Variants in MAX observed in about 807,000 individuals in gnomAD.
MAX encodes the protein MYC associated transcriptional regulator X, also known as protein max.
MAX carries 3 observed loss-of-function variants against 22.3 expected under a neutral mutation model. The ratio of observed to expected loss-of-function variants is 0.13; its 90% confidence interval spans 0.06 to 0.35. The LOEUF (loss-of-function observed/expected upper bound fraction) is 0.35, where lower values mean the gene tolerates loss of function less well. Ranked by LOEUF, MAX falls within the 10% of genes least tolerant of loss-of-function variation. The pLI is 1.00. For synonymous variants in MAX, 72 were observed against 77.7 expected, an observed-to-expected ratio of 0.93 and a Z score of 0.39; for missense variants, 119 against 209.4, an observed-to-expected ratio of 0.57 and a Z score of 2.66.
Position 65,023,601 on chromosome 14 carries a change from T to A in MAX, c.172-17317A>T, listed in dbSNP as rs2061926278. 6.6e-6 allele frequency among the ~76,000 whole-genome samples: 1 copy of A among 152,168 alleles called. No individual in the cohort carries two copies. The highest frequency in any genetic ancestry group is 6.5e-5 in the Admixed American group (1 of 15,272). ...ATAAACATCTATACGTGTTCTATAT[T>A]GGCCACTAGCCACAGTTAGTTGTGG... On this transcript the variant is annotated intron_variant, in intron 3 of 3. Coordinates refer to the MAX transcript ENST00000341653. This position sits in a 1 kb window ranked among gnomAD's most constrained non-coding sequence, Gnocchi z 4.1.
intron 3 of MAX, among the ~76,000 whole-genome samples, chr14:65,045,468 T>G: frequency 8.1e-6 from 1 of 123,274 alleles, no homozygotes; most frequent in Non-Finnish European, 1.6e-5. Flanking sequence ...CAGGCTGGAG[T>G]GCAGTGGCAC....
rs764555353 is a variant in MAX, at chr14:65,044,360, G to A, written c.172-38076C>T. On this transcript the variant is annotated intron_variant, in intron 3 of 3. Transcript: ENST00000341653. This position sits in a 1 kb window ranked among gnomAD's most constrained non-coding sequence, Gnocchi z 5.5. Reference sequence around the variant, plus strand: ...CGATTTGAAGGAGGATTTCAGGGCCGCTGCAACAAGCTGGTGGATGGCTGC... The same window carrying A: ...CGATTTGAAGGAGGATTTCAGGGCCACTGCAACAAGCTGGTGGATGGCTGC... The A allele has an allele frequency of 3.7e-6, 6 of 1,613,396 alleles. No homozygotes were observed. Among genetic ancestry groups the A allele is most frequent in the Non-Finnish European group, 4.2e-6 (5 of 1,179,736 alleles).
chr14:65,079,311 G>A lies in MAX; in HGVS notation c.172-1275C>T, dbSNP rs763516124. The stretch of plus-strand genomic sequence containing the variant: ...CTTGATGTCAACACAGGAAGAGCAT[G>A]AGATTGGGCCATTTCAGGAAACAAC... On this transcript the variant is annotated intron_variant, in intron 3 of 4. Coordinates refer to ENST00000358664, the MANE Select transcript of MAX (RefSeq NM_002382.5). The surrounding 1 kb of genome is among the most constrained non-coding windows in gnomAD (Gnocchi z 4.5). 1.3e-5 allele frequency among the ~76,000 whole-genome samples: 2 copies of A among 152,208 alleles called. No individual in the cohort carries two copies. Among genetic ancestry groups the A allele is most frequent in the Non-Finnish European group, 2.9e-5 (2 of 68,038 alleles).
chr14:65,098,516 G>C (rs1489633255), intron 2 of MAX, among the ~76,000 whole-genome samples: 1 of 152,032 alleles, frequency 6.6e-6, no homozygotes, highest in Admixed American at 6.5e-5. Flanking sequence ...TGCATTTCCT[G>C]ACCAACACAC....
chr14:65,056,639 C>T (rs1334064994), intron 3 of MAX, among the ~76,000 whole-genome samples: 8 of 152,122 alleles, frequency 5.3e-5, no homozygotes. Context: ...GAATTGTCTG[C>T]CAGTTCATAT....
At chr14:65,055,880 A>C (rs1490396940) in intron 3 of MAX, among the ~76,000 whole-genome samples, 1 of 152,204 alleles carries the variant, frequency 6.6e-6, no homozygotes, top group Non-Finnish European at 1.5e-5. Flanking sequence ...GCCAATAGAT[A>C]GTTGAAAAGA....
rs571442256 is a variant in MAX at position 65,085,176 on chromosome 14, T to A, written c.172-7140A>T. The stretch of plus-strand genomic sequence containing the variant: ...ACTTACTTTTGAATATTAGGCTAAA[T>A]AAATTATATTATTCAAATTTTCACC... On this transcript the variant is annotated intron_variant, in intron 3 of 4. Coordinates refer to ENST00000358664, the MANE Select transcript of MAX (RefSeq NM_002382.5). 7.0e-4 allele frequency among the ~76,000 whole-genome samples: 106 copies of A among 152,348 alleles called. 1 individual carries two copies. The highest frequency in any genetic ancestry group is 2.5e-3 in the African/African-American group (104 of 41,566).
intron 3 of MAX, among the ~76,000 whole-genome samples, chr14:65,059,982 C>T (rs981465843): frequency 4.0e-5 from 6 of 151,634 alleles, no homozygotes; most frequent in Non-Finnish European, 8.8e-5. Flanking sequence ...TACAGACACT[C>T]ACCATCATGC....
chr14:65,090,873 A>C (rs923960254), intron 3 of MAX, among the ~76,000 whole-genome samples: 1 of 152,230 alleles, frequency 6.6e-6, no homozygotes, highest in Non-Finnish European at 1.5e-5. Flanking sequence ...TTTGGGTCCC[A>C]CATTTAAAGC....
chr14:65,015,650 T>C, intron 3 of MAX: 1 of 1,614,134 alleles, frequency 6.2e-7, no homozygotes, highest in Non-Finnish European at 8.5e-7. Flanking sequence ...CGCCCATGGC[T>C]CTGCTATTGG....
At chr14:65,092,480 G>T (rs2063536586) in intron 3 of MAX, among the ~76,000 whole-genome samples, 2 of 152,226 alleles carry the variant, frequency 1.3e-5, no homozygotes, top group South Asian at 4.1e-4. Flanking sequence ...GGGTGAGTCT[G>T]TCTCTAGTCA....
At position 65,077,897 on chromosome 14, in the gene MAX, G is replaced by A. The variant is rs537719104; in HGVS notation, c.295+16C>T. Reference sequence around the variant, plus strand: ...AGCACAGCAGGGCCAGCTGCCCCACGAGCTCGGGTGCTCACCTTGCTGCTC... The same window carrying A: ...AGCACAGCAGGGCCAGCTGCCCCACAAGCTCGGGTGCTCACCTTGCTGCTC... On this transcript the variant is annotated intron_variant, in intron 4 of 4. Transcript: ENST00000358664. The surrounding 1 kb of genome is among the most constrained non-coding windows in gnomAD (Gnocchi z 6.3). 9.0e-5 allele frequency: 145 copies of A among 1,614,198 alleles called. 1 individual carries two copies. The South Asian group carries it at 1.4e-3, about 15-fold the overall frequency.
chr14:65,015,264 A>C (rs1462408329), intron 3 of MAX, among the ~76,000 whole-genome samples: 1 of 151,864 alleles, frequency 6.6e-6, no homozygotes, highest in Non-Finnish European at 1.5e-5. Flanking sequence ...CACTATGCCC[A>C]GCTAATTTTT....
chr14:65,058,808 A>G (rs1015037784), intron 3 of MAX, among the ~76,000 whole-genome samples: 6 of 152,126 alleles, frequency 3.9e-5, no homozygotes, highest in Admixed American at 2.6e-4. Flanking sequence ...TAGTAGAGGC[A>G]GTGTGTCTGT....
chr14:65,051,565 C>T (rs1348720956), intron 3 of MAX, among the ~76,000 whole-genome samples: 5 of 151,284 alleles, frequency 3.3e-5, no homozygotes, highest in East Asian at 2.0e-4. Flanking sequence ...GAGCCGAGAT[C>T]GTGCCATTGC....
At position 65,031,324 on chromosome 14, in the gene MAX, G is replaced by GT. The variant is rs1320519815; in HGVS notation, c.172-25041dup. 1.1e-3 allele frequency among the ~76,000 whole-genome samples: 153 copies of GT among 144,102 alleles called. No homozygotes were observed. Among genetic ancestry groups the GT allele is most frequent in the East Asian group, 2.4e-3 (12 of 4,922 alleles). 94.5% of individuals were successfully genotyped at this position (144,102 alleles called of 152,430 possible). On this transcript the variant is annotated intron_variant, in intron 3 of 3. Transcript: ENST00000341653. This position sits in a 1 kb window ranked among gnomAD's most constrained non-coding sequence, Gnocchi z 4.6. ...TCAAGTATAATAATTTTTTGTGTTT[G>GT]TTTTTTTTTTTGAGACAGAGTCTCA...
intron 3 of MAX, among the ~76,000 whole-genome samples, chr14:65,037,932 A>T (rs2062251318): frequency 6.6e-6 from 1 of 151,530 alleles, no homozygotes; most frequent in Admixed American, 6.6e-5. Context: ...GGCGTGCGCC[A>T]CGACACCCAG....
At chr14:65,064,045 C>T (rs891832384) in intron 3 of MAX, among the ~76,000 whole-genome samples, 1 of 152,142 alleles carries the variant, frequency 6.6e-6, no homozygotes, top group South Asian at 2.1e-4. Flanking sequence ...GCCTGCCAGA[C>T]CCTACAGGGA....
At chr14:65,042,917 C>A (rs1047069136) in intron 3 of MAX, among the ~76,000 whole-genome samples, 1 of 152,198 alleles carries the variant, frequency 6.6e-6, no homozygotes, top group African/African-American at 2.4e-5. Context: ...GTACCTGAAC[C>A]TGCAGTACAG....
Sources: gnomAD v4.1 joint callset for allele counts (sites outside exome capture counted in the v4.1 genomes callset) on GRCh38, gnomAD v4.1.1 for gene constraint, Gnocchi (gnomAD v3.1) non-coding constraint, MANE v1.5 for transcripts, NCBI Gene and HGNC (gene_info 2026-07-23, HGNC 2026-07-21) for gene names.